The following COBL variants were observed in gnomAD, a reference collection of about 807,000 sequenced individuals.
The protein encoded by COBL is protein cordon-bleu.
COBL carries 51 observed loss-of-function variants against 98.8 expected under a neutral mutation model. The observed-to-expected ratio is 0.52, with a 90% CI of 0.41 to 0.65. The LOEUF is 0.65. Ranked by LOEUF, COBL falls within the 30% of genes least tolerant of loss-of-function variation. The pLI is 0.00. For missense variants in COBL, 1,617 were observed against 1,617.5 expected (o/e 1.00, Z 0.01); for synonymous variants, 634 against 651.7 (o/e 0.97, Z 0.41).
intron 2 of COBL, among the ~76,000 whole-genome samples, chr7:51,203,547 A>AAT (rs1791369862): frequency 6.6e-6 from 1 of 151,760 alleles, no homozygotes; most frequent in Non-Finnish European, 1.5e-5. Flanking sequence ...TATTATAACA[A>AAT]ATATCTTAGA....
intron 1 of COBL, among the ~76,000 whole-genome samples, chr7:51,313,711 T>C (rs1803278479): frequency 6.6e-6 from 1 of 152,184 alleles, no homozygotes; most frequent in East Asian, 1.9e-4. Flanking sequence ...GAGGGTCCAA[T>C]GGGAAATTTA....
At chr7:51,052,086 G>A (rs1217353139) in intron 7 of COBL, among the ~76,000 whole-genome samples, 2 of 152,166 alleles carry the variant, frequency 1.3e-5, no homozygotes, top group African/African-American at 4.8e-5. Flanking sequence ...ACATTCTGCA[G>A]TGTTCAAATG....
chr7:51,192,806 A>G (rs917486977), intron 3 of COBL, among the ~76,000 whole-genome samples: 2 of 152,078 alleles, frequency 1.3e-5, no homozygotes, highest in Non-Finnish European at 1.5e-5. Context: ...TAAATCTTCT[A>G]TGGATACCAA....
intron 1 of COBL, among the ~76,000 whole-genome samples, chr7:51,251,602 C>CT (rs1201780906): frequency 2.0e-5 from 3 of 152,228 alleles, no homozygotes; most frequent in Non-Finnish European, 2.9e-5. Flanking sequence ...GATCATATCT[C>CT]TAAGTTATAT....
chr7:51,123,006 A>T (rs2128991824), intron 6 of COBL, among the ~76,000 whole-genome samples: 1 of 152,136 alleles, frequency 6.6e-6, no homozygotes, highest in East Asian at 1.9e-4. Context: ...AAATTGAATG[A>T]CATAATTATT....
intron 1 of COBL, among the ~76,000 whole-genome samples, chr7:51,263,588 T>G (rs1331508980): frequency 6.6e-6 from 1 of 151,756 alleles, no homozygotes; most frequent in Non-Finnish European, 1.5e-5. Flanking sequence ...TGGTGGGGAA[T>G]TATGGAGCCC....
chr7:51,109,287 A>G (rs926933937), intron 6 of COBL, among the ~76,000 whole-genome samples: 2 of 152,050 alleles, frequency 1.3e-5, no homozygotes, highest in East Asian at 3.9e-4. Flanking sequence ...TTTTCAAACC[A>G]CCTGTGTGAA....
chr7:51,289,309 A>C (rs962208167), intron 1 of COBL, among the ~76,000 whole-genome samples: 7 of 151,674 alleles, frequency 4.6e-5, no homozygotes, highest in Admixed American at 4.6e-4. Context: ...CTCCTAAGTC[A>C]CCTCCCAAGT....
chr7:51,285,964 G>T (rs1452422422), intron 1 of COBL, among the ~76,000 whole-genome samples: 2 of 152,060 alleles, frequency 1.3e-5, no homozygotes, highest in Non-Finnish European at 1.5e-5. Flanking sequence ...TTTTTATGAA[G>T]GTGTAAAGGC....
At chr7:51,291,324 C>T (rs1800870593) in intron 1 of COBL, among the ~76,000 whole-genome samples, 1 of 152,100 alleles carries the variant, frequency 6.6e-6, no homozygotes, top group Admixed American at 6.5e-5. Context: ...AAAGTCCTAG[C>T]CAGGAGTCCT....
At chr7:51,164,995 C>CAAAATA (rs1360693837) in intron 5 of COBL, among the ~76,000 whole-genome samples, 15 of 151,614 alleles carry the variant, frequency 9.9e-5, no homozygotes, top group African/African-American at 3.6e-4. Context: ...ACAATGGTTA[C>CAAAATA]ACAAAAATAA....
chr7:51,114,370 GA>G (rs34595332), intron 6 of COBL, among the ~76,000 whole-genome samples: 8,484 of 143,714 alleles, frequency 0.059, 316 homozygotes, highest in Middle Eastern at 0.16. Flanking sequence ...ACGTACTCCA[GA>G]AAAAAAAAAA....
At chr7:51,092,687 A>G (rs1459493579) in intron 6 of COBL, among the ~76,000 whole-genome samples, 3 of 152,290 alleles carry the variant, frequency 2.0e-5, no homozygotes, top group African/African-American at 7.2e-5. Flanking sequence ...GCTATTGACT[A>G]CAATAGCTTT....
intron 5 of COBL, among the ~76,000 whole-genome samples, chr7:51,138,527 G>A (rs1799446131): frequency 6.6e-6 from 1 of 152,182 alleles, no homozygotes; most frequent in South Asian, 2.1e-4. Context: ...CCAGATCCAG[G>A]GGGAATGCAA....
At chr7:51,256,571 A>G (rs1306811139) in intron 1 of COBL, among the ~76,000 whole-genome samples, 1 of 152,252 alleles carries the variant, frequency 6.6e-6, no homozygotes, top group Admixed American at 6.5e-5. Context: ...GCCCTGGGGC[A>G]GCACCACTAC....
intron 5 of COBL, among the ~76,000 whole-genome samples, chr7:51,164,499 C>T (rs1450489652): frequency 1.3e-5 from 2 of 151,996 alleles, no homozygotes; most frequent in Non-Finnish European, 2.9e-5. Context: ...AATACTTTTA[C>T]CCTAGAATAG....
chr7:51,274,975 A>G (rs142687493), intron 1 of COBL, among the ~76,000 whole-genome samples: 6 of 152,334 alleles, frequency 3.9e-5, no homozygotes, highest in African/African-American at 1.4e-4. Context: ...GGAAACACCG[A>G]TATTAACAAA....
chr7:51,108,917 G>GACAGACACAC (rs1796567902), intron 6 of COBL, among the ~76,000 whole-genome samples: 1 of 57,858 alleles, frequency 1.7e-5, no homozygotes, highest in Non-Finnish European at 4.2e-5. Flanking sequence ...CTGACACATA[G>GACAGACACAC]ACACACACAC....
At chr7:51,235,870 G>T (rs929712560) in intron 1 of COBL, among the ~76,000 whole-genome samples, 1 of 151,940 alleles carries the variant, frequency 6.6e-6, no homozygotes, top group Non-Finnish European at 1.5e-5. Context: ...ACCCCCTCCT[G>T]CACTCTTCCT....
Sources: gnomAD v4.1 joint callset for allele counts (sites outside exome capture counted in the v4.1 genomes callset) on GRCh38, gnomAD v4.1.1 for gene constraint, MANE v1.5 for transcripts, NCBI Gene and HGNC (gene_info 2026-07-23, HGNC 2026-07-21) for gene names.